RGL1: variants seen among roughly 807,000 people sequenced by gnomAD.
RGL1 encodes the protein ral guanine nucleotide dissociation stimulator like 1.
A neutral mutation model predicts 95.2 loss-of-function variants in RGL1; 24 were observed. That is an observed-to-expected ratio of 0.25 (90% CI 0.18 to 0.35). The LOEUF (loss-of-function observed/expected upper bound fraction) is 0.35, where lower values mean the gene tolerates loss of function less well. RGL1 is among the 10% of genes least tolerant of loss of function. RGL1 has a pLI of 1.00. For synonymous variants in RGL1, 329 were observed against 344.9 expected, an observed-to-expected ratio of 0.95 and a Z score of 0.51; for missense variants, 715 against 936.3, an observed-to-expected ratio of 0.76 and a Z score of 3.08.
chr1:183,746,145 C>T (rs962450392), intron 2 of RGL1, among the ~76,000 whole-genome samples: 1 of 151,946 alleles, frequency 6.6e-6, no homozygotes, highest in Non-Finnish European at 1.5e-5. Flanking sequence ...AGTCCACAAC[C>T]AACTTAAGAA....
At position 183,866,084 on chromosome 1, in the gene RGL1, C is replaced by A; in HGVS notation, c.425+11C>A. On this transcript the variant is annotated intron_variant, in intron 4 of 17. Transcript: ENST00000360851. ...AATGGTGATCAGGAAGTGAGTCTCC[C>A]TTTTCTTTGCATTCTAAGCTCTCAG... is the stretch of plus-strand genomic sequence containing the variant. The A allele has an allele frequency of 1.3e-6, 2 of 1,596,534 alleles. No homozygotes were observed. The highest frequency in any genetic ancestry group is 2.2e-5 in the East Asian group (1 of 44,760).
In RGL1 at chr1:183,883,805, C is replaced by A. The variant is rs761398073; in HGVS notation, c.630C>A (p.Ile210=). The A allele has an allele frequency of 6.2e-7, 1 of 1,614,078 alleles. No individual in the cohort carries two copies. The highest frequency in any genetic ancestry group is 8.5e-7 in the Non-Finnish European group (1 of 1,179,896). ...VETDNGLPNT[I]SFSLEEEEEL... The stretch of plus-strand genomic sequence containing the variant: ...GAACAGATGGGCTTCCCAACACGAT[C>A]TCCTTCAGCCTGGAAGAGGAAGAGG... Residue 210 remains isoleucine (I), a synonymous_variant, in exon 6 of 18, where the codon ATC becomes ATA. Transcript: ENST00000360851.
chr1:183,742,925 C>T (rs1657400472), intron 2 of RGL1, among the ~76,000 whole-genome samples: 1 of 152,154 alleles, frequency 6.6e-6, no homozygotes, highest in Admixed American at 6.5e-5. Context: ...GAGTTATTAA[C>T]CAGATCATGG....
At chr1:183,881,978 AC>A (rs1330475326) in intron 5 of RGL1, among the ~76,000 whole-genome samples, 2 of 152,208 alleles carry the variant, frequency 1.3e-5, no homozygotes, top group Admixed American at 1.3e-4. Flanking sequence ...TAATTGGGGA[AC>A]CGGTGGGACC....
intron 11 of RGL1, 21 bp downstream of exon 11, chr1:183,900,257 G>A (rs1383427470): frequency 6.3e-7 from 1 of 1,597,782 alleles, no homozygotes; most frequent in South Asian, 1.1e-5. Flanking sequence ...TGTGGGTGGT[G>A]TGATCGGGCC....
intron 4 of RGL1, among the ~76,000 whole-genome samples, chr1:183,875,444 G>C (rs1176644965): frequency 6.6e-6 from 1 of 152,136 alleles, no homozygotes; most frequent in Admixed American, 6.5e-5. Context: ...GCTTGCCTCA[G>C]CCCTCTCTGC....
chr1:183,895,168 G>A (rs1667619164), intron 9 of RGL1, among the ~76,000 whole-genome samples: 1 of 152,174 alleles, frequency 6.6e-6, no homozygotes, highest in Admixed American at 6.5e-5. Context: ...GCAAGAGTCT[G>A]TTACAACTGT....
chr1:183,756,253 G>T (rs1658332072), intron 2 of RGL1, among the ~76,000 whole-genome samples: 1 of 150,516 alleles, frequency 6.6e-6, no homozygotes, highest in Non-Finnish European at 1.5e-5. Flanking sequence ...GTGCAACTTT[G>T]ACCTCCCTGG....
At chr1:183,652,135 T>C (rs1650804379) in intron 1 of RGL1, among the ~76,000 whole-genome samples, 1 of 152,226 alleles carries the variant, frequency 6.6e-6, no homozygotes, top group South Asian at 2.1e-4. Context: ...GTGATGTGTA[T>C]GTGGAGTTAA....
chr1:183,832,538 TG>T (rs1663331544), intron 2 of RGL1, among the ~76,000 whole-genome samples: 1 of 152,140 alleles, frequency 6.6e-6, no homozygotes, highest in Non-Finnish European at 1.5e-5. Context: ...AAGAAGGTTG[TG>T]GTTAGAAATG....
intron 1 of RGL1, among the ~76,000 whole-genome samples, chr1:183,671,433 A>G (rs919089501): frequency 6.6e-6 from 1 of 152,238 alleles, no homozygotes; most frequent in Non-Finnish European, 1.5e-5. Flanking sequence ...GTGATTTACC[A>G]TTGTACATTC....
At chr1:183,802,901 G>A (rs1028224604), upstream of RGL1, among the ~76,000 whole-genome samples, 8 of 152,184 alleles carry the variant, frequency 5.3e-5, no homozygotes, top group African/African-American at 1.9e-4. Flanking sequence ...CACCAACTGA[G>A]TTATAAATGG....
chr1:183,816,813 C>T (rs568582449), intron 2 of RGL1, among the ~76,000 whole-genome samples: 1 of 152,172 alleles, frequency 6.6e-6, no homozygotes, highest in South Asian at 2.1e-4. Flanking sequence ...CTTGCTGCCA[C>T]TTGCTGATTA....
chr1:183,715,349 C>T (rs1655547110), intron 1 of RGL1, among the ~76,000 whole-genome samples: 1 of 152,052 alleles, frequency 6.6e-6, no homozygotes, highest in Admixed American at 6.6e-5. Flanking sequence ...GTTACACAAC[C>T]AACCTCACCT....
At chr1:183,855,555 A>G (rs1665085978) in intron 3 of RGL1, among the ~76,000 whole-genome samples, 1 of 152,220 alleles carries the variant, frequency 6.6e-6, no homozygotes, top group South Asian at 2.1e-4. Flanking sequence ...GTAAGAGGCA[A>G]GGTTTCTAAT....
At chr1:183,759,533 C>A (rs1386219413) in intron 2 of RGL1, among the ~76,000 whole-genome samples, 1 of 152,158 alleles carries the variant, frequency 6.6e-6, no homozygotes, top group Non-Finnish European at 1.5e-5. Context: ...GGCAGTCTCT[C>A]CCAGTTGTAA....
chr1:183,849,481 T>TA (rs201426398), intron 3 of RGL1, among the ~76,000 whole-genome samples: 17,269 of 112,574 alleles, frequency 0.15, 1,915 homozygotes, highest in African/African-American at 0.21. Context: ...CTCCAGTTTT[T>TA]AGTTTTTTTT....
chr1:183,764,746 CA>C (rs935190404), intron 2 of RGL1, among the ~76,000 whole-genome samples: 2 of 152,082 alleles, frequency 1.3e-5, no homozygotes, highest in Non-Finnish European at 2.9e-5. Flanking sequence ...ACCCAGGAAT[CA>C]AACGTTAATT....
At chr1:183,773,383 T>C (rs1659404311) in intron 2 of RGL1, among the ~76,000 whole-genome samples, 1 of 152,238 alleles carries the variant, frequency 6.6e-6, no homozygotes. Flanking sequence ...TTGAGATGTT[T>C]GTTGAATGAA....
Sources: allele counts gnomAD v4.1 joint callset (sites outside exome capture counted in the v4.1 genomes callset), GRCh38; gene constraint gnomAD v4.1.1; transcripts MANE v1.5; gene names NCBI Gene and HGNC (gene_info 2026-07-23, HGNC 2026-07-21).